Variants in HEPH observed in about 807,000 individuals in gnomAD.
The protein encoded by HEPH is hephaestin.
A neutral mutation model predicts 80.8 loss-of-function variants in HEPH; 69 were observed. That is an observed-to-expected ratio of 0.85 (90% CI 0.70 to 1.04). HEPH has a LOEUF of 1.04. Among genes scored for constraint, HEPH ranks in the 50% least tolerant of loss-of-function variants. The pLI is 0.00. For missense variants in HEPH, 1,115 were observed against 891.3 expected (o/e 1.25, Z -3.20); for synonymous variants, 431 against 322.8 (o/e 1.34, Z -3.60).
intron 15 of HEPH, among the ~76,000 whole-genome samples, chrX:66,241,898 C>T (rs1485587423): frequency 6.3e-5 from 7 of 111,149 alleles, no homozygotes; most frequent in Non-Finnish European, 1.3e-4. Flanking sequence ...ATTCCATGCT[C>T]ATGGGTAGAA....
intron 11 of HEPH, among the ~76,000 whole-genome samples, chrX:66,199,723 G>A (rs1264918935): frequency 2.7e-5 from 3 of 112,052 alleles, no homozygotes; most frequent in Admixed American, 9.5e-5. Flanking sequence ...GAATTTTGTG[G>A]GATAAAATTT....
At chrX:66,229,117 A>G (rs1180227651) in intron 15 of HEPH, among the ~76,000 whole-genome samples, 1 of 112,527 alleles carries the variant, frequency 8.9e-6, no homozygotes, top group African/African-American at 3.2e-5. Context: ...TTGCAAAAAT[A>G]TGGAACCAGC....
intron 16 of HEPH, 127 bp downstream of exon 16, chrX:66,255,268 A>G: frequency 2.5e-6 from 1 of 401,977 alleles, no homozygotes; most frequent in Non-Finnish European, 4.4e-6. Flanking sequence ...ATTCTTCAAA[A>G]GCTGGACTTA....
intron 15 of HEPH, among the ~76,000 whole-genome samples, chrX:66,250,644 A>G (rs1262585864): frequency 8.9e-6 from 1 of 111,742 alleles, no homozygotes; most frequent in Non-Finnish European, 1.9e-5. Flanking sequence ...GAATATATTT[A>G]TGTATATAAA....
chrX:66,164,971 A>G (rs2086294471), intron 1 of HEPH, among the ~76,000 whole-genome samples: 1 of 112,113 alleles, frequency 8.9e-6, no homozygotes, highest in African/African-American at 3.2e-5. Flanking sequence ...ATTGGTTCAA[A>G]TTCTGGCTAT....
intron 15 of HEPH, among the ~76,000 whole-genome samples, chrX:66,208,597 T>A (rs1350207759): frequency 1.1e-5 from 1 of 91,129 alleles, no homozygotes; most frequent in Admixed American, 1.3e-4. Flanking sequence ...CCAGCCTGGG[T>A]GACAAGTAAG....
chrX:66,236,998 G>T (rs901158604), intron 15 of HEPH, among the ~76,000 whole-genome samples: 6 of 110,874 alleles, frequency 5.4e-5, no homozygotes, highest in African/African-American at 2.0e-4. Context: ...TGTTTATTTG[G>T]ATATTCTTTC....
At chrX:66,195,297 A>C in intron 9 of HEPH, 68 bp downstream of exon 9, 1 of 901,599 alleles carries the variant, frequency 1.1e-6, no homozygotes, top group Non-Finnish European at 1.4e-6. Context: ...AAAACAAATA[A>C]ATGGGAGATG....
At chrX:66,207,003 G>T (rs1365387775) in intron 13 of HEPH, among the ~76,000 whole-genome samples, 192 bp from the exon 14 acceptor site, 1 of 108,034 alleles carries the variant, frequency 9.3e-6, no homozygotes, top group African/African-American at 3.4e-5. Flanking sequence ...GGCAACAAGA[G>T]CGAAACTCCG....
Position 66,205,597 on chromosome X carries a change from A to G in HEPH, c.2292-1598A>G, listed in dbSNP as rs1255905927. Among the ~76,000 whole-genome samples the G allele has an allele frequency of 6.6e-4, 68 of 102,307 alleles. No individual in the cohort carries two copies. The Middle Eastern group carries it at 0.015, about 23-fold the overall frequency. 88.8% of individuals were successfully genotyped at this position (102,307 alleles called of 115,157 possible). A position where few individuals can be genotyped will look rare whatever the true frequency, so the allele number is the denominator to read the frequency against. Reference sequence around the variant, plus strand: ...TTTTTGATAGAATGATCTATTTTTCATGCTTTTTTTTTTTTTGAGATAGAG... The same window carrying G: ...TTTTTGATAGAATGATCTATTTTTCGTGCTTTTTTTTTTTTTGAGATAGAG... On this transcript the variant is annotated intron_variant, in intron 13 of 20. Transcript: ENST00000343002.
intron 9 of HEPH, among the ~76,000 whole-genome samples, chrX:66,196,037 G>T (rs1435705865): frequency 9.0e-6 from 1 of 111,534 alleles, no homozygotes; most frequent in Non-Finnish European, 1.9e-5. Flanking sequence ...TCAATAAGGG[G>T]ATTAGAGACA....
Position 66,170,736 on chromosome X carries a change from A to G in HEPH, c.166A>G (p.Ile56Val), listed in dbSNP as rs751359211. 2.1e-5 allele frequency: 25 copies of G among 1,205,437 alleles called. No homozygotes were observed. The highest frequency in any genetic ancestry group is 2.0e-4 in the South Asian group (11 of 56,159). Residue 56 changes from isoleucine (I) to valine (V), a missense_variant and splice_region_variant, in exon 2 of 21, where the codon ATA becomes GTA. This residue lies in a region of HEPH where 391 missense variants were observed against 343.6 expected (regional missense o/e 1.14). Coordinates refer to ENST00000343002, the MANE Select transcript of HEPH (RefSeq NM_001367233.3). The part of the protein sequence containing the change: ...VITNQPLDSD[I>V]VASSFLKSDK... The stretch of plus-strand genomic sequence containing the variant: ...CACGAACCAGCCTCTGGACAGTGAC[A>G]TGTAGGTTTAATTTCTTGTGGTATT...
At chrX:66,200,417 G>T in intron 11 of HEPH, 123 bp from the exon 12 acceptor site, 1 of 511,304 alleles carries the variant, frequency 2.0e-6, no homozygotes, top group Non-Finnish European at 3.3e-6. Context: ...CAGAGGTGTT[G>T]AGGATGACTC....
chrX:66,209,176 T>C lies in HEPH; in HGVS notation c.2563+930T>C, dbSNP rs1010050128. Among the ~76,000 whole-genome samples the C allele has an allele frequency of 2.7e-5, 3 of 111,611 alleles. No individual in the cohort carries two copies. The Admixed American group carries it at 2.9e-4, about 11-fold the overall frequency. On this transcript the variant is annotated intron_variant, in intron 15 of 20. Transcript: ENST00000343002. The stretch of plus-strand genomic sequence containing the variant: ...GGTAACTATAATCCAGTGTGTTAAG[T>C]GTTAATAGGAGTTTTTACAGTGTGA...
chrX:66,227,634 C>A (rs1002523814), intron 15 of HEPH, among the ~76,000 whole-genome samples: 14 of 111,969 alleles, frequency 1.3e-4, no homozygotes, highest in African/African-American at 4.5e-4. Flanking sequence ...CAGTACCCAG[C>A]ACCTTCTGTT....
chrX:66,248,176 CT>C (rs1436184753), intron 15 of HEPH, among the ~76,000 whole-genome samples: 1 of 111,688 alleles, frequency 9.0e-6, no homozygotes, highest in East Asian at 2.8e-4. Flanking sequence ...TGCTCTAGTA[CT>C]GTAGTACCAC....
At chrX:66,259,711 CT>C (rs11348677) in intron 18 of HEPH, among the ~76,000 whole-genome samples, 5,230 of 94,254 alleles carry the variant, frequency 0.055, 394 homozygotes, top group African/African-American at 0.19. Flanking sequence ...ATAAAGTGGA[CT>C]TTTTTTTTTT....
chrX:66,178,787 G>A lies in HEPH; in HGVS notation c.625+4986G>A, dbSNP rs148851572. Among the ~76,000 whole-genome samples, 363 of 111,811 alleles carry A rather than the reference G, an allele frequency of 3.2e-3. 4 individuals are homozygous for A. The highest frequency in any genetic ancestry group is 0.011 in the African/African-American group (343 of 30,812). On this transcript the variant is annotated intron_variant, in intron 4 of 20. Transcript: ENST00000343002. ...CATATCCTTCGCCCACTTTTTGATG[G>A]GGTTGTTTATTTTTTTCTTGTAAAT... is the stretch of plus-strand genomic sequence containing the variant.
At chrX:66,162,797 T>G, upstream of HEPH, 1 of 1,155,381 alleles carries the variant, frequency 8.7e-7, no homozygotes, top group Non-Finnish European at 1.1e-6. Flanking sequence ...CTCCAGACAC[T>G]TTAAATTCAG....
Sources: allele counts gnomAD v4.1 joint callset (sites outside exome capture counted in the v4.1 genomes callset), GRCh38; gene constraint gnomAD v4.1.1; regional missense constraint gnomAD v4.1.1; transcripts MANE v1.5; gene names NCBI Gene and HGNC (gene_info 2026-07-23, HGNC 2026-07-21).